Variants in LONRF1 observed in about 807,000 individuals in gnomAD.
LONRF1 encodes the protein LON peptidase N-terminal domain and RING finger protein 1.
A neutral mutation model predicts 85.8 loss-of-function variants in LONRF1; 37 were observed. That is an observed-to-expected ratio of 0.43 (90% CI 0.33 to 0.57). The LOEUF is 0.57. Among genes scored for constraint, LONRF1 ranks in the 20% least tolerant of loss-of-function variants. The probability of loss-of-function intolerance (pLI) is 0.04; values close to 1 mark genes in which losing one functional copy is unlikely to be tolerated. For synonymous variants in LONRF1, 517 were observed against 390.1 expected (o/e 1.33, Z -3.83); for missense variants, 1,036 against 978.0 (o/e 1.06, Z -0.79).
chr8:12,755,147 A>G lies in LONRF1; in HGVS notation c.274T>C (p.Cys92Arg), dbSNP rs745763341. Residue 92 changes from cysteine (C) to arginine (R), a missense_variant, in exon 1 of 12, where the codon TGC becomes CGC. By Grantham distance (180) the Cys-to-Arg change is radical. Transcript: ENST00000398246. ...CGGAGCCGGTAGTTGAACACCAGGC[A>G]GTCCACCAGGGCGCCCAGGCACTCG... ...RPECLGALVD[C>R]LVFNYRLRHG... The G allele has an allele frequency of 1.8e-5, 26 of 1,435,628 alleles. No individual in the cohort carries two copies. The highest frequency in any genetic ancestry group is 2.2e-5 in the Non-Finnish European group (24 of 1,097,152). The allele number at this position is 1,435,628 out of a possible 1,614,324, so 88.9% of individuals were successfully genotyped here.
intron 6 of LONRF1, among the ~76,000 whole-genome samples, chr8:12,736,397 A>G (rs1224673836): frequency 6.6e-6 from 1 of 152,206 alleles, no homozygotes; most frequent in Non-Finnish European, 1.5e-5. Context: ...AATATCATCT[A>G]TAACTTTCTT....
intron 2 of LONRF1, among the ~76,000 whole-genome samples, chr8:12,742,850 C>G (rs887106451): frequency 6.6e-6 from 1 of 152,056 alleles, no homozygotes; most frequent in African/African-American, 2.4e-5. Flanking sequence ...TTCAGCCTCT[C>G]GAGTAGTTGG....
At chr8:12,738,378 A>G (rs931484301) in intron 3 of LONRF1, among the ~76,000 whole-genome samples, 1 of 152,182 alleles carries the variant, frequency 6.6e-6, no homozygotes, top group African/African-American at 2.4e-5. Flanking sequence ...AAAGGAAAGC[A>G]TGGGAGTAGT....
intron 3 of LONRF1, among the ~76,000 whole-genome samples, chr8:12,740,188 C>A (rs1239706323): frequency 6.6e-6 from 1 of 152,030 alleles, no homozygotes; most frequent in Non-Finnish European, 1.5e-5. Context: ...TGACTGGGAC[C>A]CTGAATTTGT....
At position 12,729,067 on chromosome 8, in the gene LONRF1, A is replaced by C; in HGVS notation, c.1848-4T>G. 6.2e-7 allele frequency: 1 copy of C among 1,613,508 alleles called. No homozygotes were observed. Among genetic ancestry groups the C allele is most frequent in the Non-Finnish European group, 8.5e-7 (1 of 1,179,692 alleles). On this transcript the variant is annotated splice_region_variant and splice_polypyrimidine_tract_variant and intron_variant, in intron 9 of 11. Transcript: ENST00000398246. ...CATACAACCATAATCTGCAAAACTA[A>C]AAGAAAACCTTGATTAGTAACAAAG...
At chr8:12,743,661 C>T (rs527698168) in intron 1 of LONRF1, among the ~76,000 whole-genome samples, 159 of 152,076 alleles carry the variant, frequency 1.0e-3, no homozygotes, top group South Asian at 3.5e-3. Flanking sequence ...TATATTTTTA[C>T]CCTACTTTCT....
At position 12,729,006 on chromosome 8, in the gene LONRF1, T is replaced by C. The variant is rs1468999615; in HGVS notation, c.1905A>G (p.Gly635=). The C allele has an allele frequency of 1.4e-5, 23 of 1,614,042 alleles. No homozygotes were observed. In the East Asian group the frequency reaches 4.9e-4, roughly 34 times the overall value. ...CTCCAACTGTATCAACCACAGACCT[T>C]CCGTCCGGTAAGAAATGCACGTTTC... ...QIRNVHFLPD[G]RSVVDTVGGK... The change falls in exon 10 of 12, where the codon GGA becomes GGG. Residue 635 remains glycine (G), a synonymous_variant. Transcript: ENST00000398246.
At chr8:12,747,758 T>C (rs913308406) in intron 1 of LONRF1, among the ~76,000 whole-genome samples, 617 of 4,878 alleles carry the variant, frequency 0.13, 5 homozygotes, top group East Asian at 0.38. Flanking sequence ...ATCTCTCTCT[T>C]TTTTTTTTTT....
At chr8:12,751,330 T>C (rs559269059) in intron 1 of LONRF1, among the ~76,000 whole-genome samples, 8 of 135,002 alleles carry the variant, frequency 5.9e-5, no homozygotes, top group Admixed American at 2.3e-4. Flanking sequence ...TGAGACTGAG[T>C]CTTGCTCTGT....
rs376871363 is a variant in LONRF1, at chr8:12,736,652, T to C, written c.1451+49A>G. On this transcript the variant is annotated intron_variant, in intron 6 of 11. Coordinates refer to ENST00000398246, the MANE Select transcript of LONRF1 (RefSeq NM_152271.5). Reference sequence around the variant, plus strand: ...TTACCTTTATCTACACGGTATTTTATGTATACTAACATAAAATATTCATCT... The same window carrying C: ...TTACCTTTATCTACACGGTATTTTACGTATACTAACATAAAATATTCATCT... 112 of 1,225,782 alleles carry C rather than the reference T, an allele frequency of 9.1e-5. No individual in the cohort carries two copies. In the African/African-American group the frequency reaches 1.6e-3, roughly 18 times the overall value. 75.9% of individuals were successfully genotyped at this position (1,225,782 alleles called of 1,614,324 possible).
At chr8:12,728,361 G>C (rs895418565) in intron 10 of LONRF1, among the ~76,000 whole-genome samples, 4 of 152,114 alleles carry the variant, frequency 2.6e-5, no homozygotes, top group Non-Finnish European at 4.4e-5. Context: ...GTCTGCCCCA[G>C]GGTCTTCACA....
intron 11 of LONRF1, among the ~76,000 whole-genome samples, chr8:12,724,116 T>C (rs1322788600): frequency 6.6e-6 from 1 of 152,242 alleles, no homozygotes; most frequent in Non-Finnish European, 1.5e-5. Flanking sequence ...TTGTCCGCTG[T>C]CAACTAAGCA....
intron 8 of LONRF1, among the ~76,000 whole-genome samples, chr8:12,730,438 T>C (rs922206678): frequency 6.6e-6 from 1 of 152,222 alleles, no homozygotes; most frequent in African/African-American, 2.4e-5. Flanking sequence ...GACCATCAAT[T>C]ACTTATATAA....
chr8:12,740,156 G>C (rs1392356211), intron 3 of LONRF1, among the ~76,000 whole-genome samples: 1 of 152,164 alleles, frequency 6.6e-6, no homozygotes, highest in Non-Finnish European at 1.5e-5. Flanking sequence ...GGCATGTTTT[G>C]AGTATGTGCA....
At chr8:12,730,097 G>A (rs1798470795) in intron 8 of LONRF1, among the ~76,000 whole-genome samples, 1 of 152,202 alleles carries the variant, frequency 6.6e-6, no homozygotes, top group Non-Finnish European at 1.5e-5. Flanking sequence ...AATGTTCACT[G>A]TAGCAATGTG....
intron 1 of LONRF1, among the ~76,000 whole-genome samples, chr8:12,751,476 T>G (rs1362623780): frequency 6.6e-6 from 1 of 151,278 alleles, no homozygotes; most frequent in Non-Finnish European, 1.5e-5. Flanking sequence ...GGTAATTTTT[T>G]GTATCTCTAG....
Position 12,737,987 on chromosome 8 carries a change from C to A in LONRF1, c.1113+8G>T, listed in dbSNP as rs746825546. On this transcript the variant is annotated splice_region_variant and intron_variant, in intron 4 of 11. Transcript: ENST00000398246. The stretch of plus-strand genomic sequence containing the variant: ...CTAAACTCATGATAACCTTGTCTCA[C>A]CCCGTACCTGCTTTGGGCTAGGTTC... 11 of 1,599,514 alleles carry A rather than the reference C, an allele frequency of 6.9e-6. No individual in the cohort carries two copies. In the East Asian group the frequency reaches 2.3e-4, roughly 33 times the overall value.
At chr8:12,736,584 T>C (rs1798722626) in intron 6 of LONRF1, 117 bp downstream of exon 6, 1 of 704,534 alleles carries the variant, frequency 1.4e-6, no homozygotes, top group Non-Finnish European at 2.2e-6. Context: ...TTCATGTCTT[T>C]TGATTTTTAT....
At chr8:12,737,870 T>C in intron 4 of LONRF1, 125 bp downstream of exon 4, 2 of 924,102 alleles carry the variant, frequency 2.2e-6, no homozygotes, top group Non-Finnish European at 3.1e-6. Context: ...AAAATTCTAC[T>C]ATGATAACTA....
Sources: gnomAD v4.1 joint callset for allele counts (sites outside exome capture counted in the v4.1 genomes callset) on GRCh38, gnomAD v4.1.1 for gene constraint, MANE v1.5 for transcripts, NCBI Gene and HGNC (gene_info 2026-07-23, HGNC 2026-07-21) for gene names.